CLIP1: variants seen among roughly 807,000 people sequenced by gnomAD.
The protein encoded by CLIP1 is CAP-Gly domain containing linker protein 1.
In CLIP1, 66 loss-of-function variants were observed where a neutral mutation model predicts 161.6. The observed-to-expected ratio is 0.41, with a 90% CI of 0.33 to 0.50. The LOEUF is 0.50. CLIP1 is among the 20% of genes least tolerant of loss of function. The pLI, the probability that CLIP1 is intolerant of heterozygous loss-of-function variation, is 0.27. For missense variants in CLIP1, 1,376 were observed against 1,702.0 expected (o/e 0.81, Z 3.37); for synonymous variants, 598 against 626.2 (o/e 0.96, Z 0.67).
chr12:122,356,596 GTCCCTCTCCCTCTC>G lies in CLIP1; in HGVS notation c.1006-1298_1006-1285del, dbSNP rs571554222. Among the ~76,000 whole-genome samples, 651 of 151,956 alleles carry G rather than the reference GTCCCTCTCCCTCTC, an allele frequency of 4.3e-3. 3 individuals carry two copies. The highest frequency in any genetic ancestry group is 0.012 in the South Asian group (56 of 4,812). On this transcript the variant is annotated intron_variant, in intron 5 of 25. Coordinates refer to ENST00000620786, the MANE Select transcript of CLIP1 (RefSeq NM_001247997.2). ...TTCTGGTTATTAAAGAATGAATTGGGTCCCTCTCCCTCTCTCCCTCTCCCTCTCTCCCTCTCCCT... is the reference window on the plus strand; with the variant it reads ...TTCTGGTTATTAAAGAATGAATTGGGTCCCTCTCCCTCTCTCCCTCTCCCT...
At chr12:122,297,130 T>A (rs1376543996) in intron 20 of CLIP1, among the ~76,000 whole-genome samples, 1 of 152,126 alleles carries the variant, frequency 6.6e-6, no homozygotes, top group Non-Finnish European at 1.5e-5. Context: ...GCACAAATAA[T>A]CATAGTTCGG....
intron 7 of CLIP1, among the ~76,000 whole-genome samples, chr12:122,353,553 G>A (rs1953157002): frequency 6.6e-6 from 1 of 152,148 alleles, no homozygotes; most frequent in African/African-American, 2.4e-5. Context: ...TGTCACAGCT[G>A]CAGTGAGCCA....
At chr12:122,401,383 A>G (rs1220454434) in intron 1 of CLIP1, among the ~76,000 whole-genome samples, 2 of 152,194 alleles carry the variant, frequency 1.3e-5, no homozygotes, top group Non-Finnish European at 2.9e-5. Flanking sequence ...AAATTAATAA[A>G]AAGTAGGTCA....
At position 122,377,748 on chromosome 12, in the gene CLIP1, C is replaced by T. The variant is rs1440316579; in HGVS notation, c.298G>A (p.Asp100Asn). The T allele has an allele frequency of 5.0e-6, 8 of 1,613,814 alleles. No homozygotes were observed. In the East Asian group the frequency reaches 1.3e-4, roughly 27 times the overall value. ...TACCGAACTCCTGCCACCGAACCAT[C>T]GTTCTTGCCTATGGGTTCATCTAAA... ...IVLDEPIGKN[D>N]GSVAGVRYFQ... The change falls in exon 3 of 26, where the codon GAT becomes AAT. Residue 100 changes from aspartate (D) to asparagine (N), a missense_variant. This residue lies in a region of CLIP1 where 27 missense variants were observed against 64.1 expected (regional missense o/e 0.42). Coordinates refer to ENST00000620786, the MANE Select transcript of CLIP1 (RefSeq NM_001247997.2).
At chr12:122,293,968 C>G (rs919801992) in intron 20 of CLIP1, among the ~76,000 whole-genome samples, 2 of 151,796 alleles carry the variant, frequency 1.3e-5, no homozygotes, top group Non-Finnish European at 1.5e-5. Flanking sequence ...ACTTACCATA[C>G]TAGCAATTCC....
chr12:122,393,627 C>A (rs1241420375), intron 1 of CLIP1, among the ~76,000 whole-genome samples: 1 of 152,048 alleles, frequency 6.6e-6, no homozygotes, highest in African/African-American at 2.4e-5. Flanking sequence ...GAGTCTAGAT[C>A]TTGGCTGGGC....
intron 1 of CLIP1, among the ~76,000 whole-genome samples, chr12:122,382,063 A>G (rs1410281660): frequency 6.6e-6 from 1 of 152,150 alleles, no homozygotes; most frequent in Non-Finnish European, 1.5e-5. Flanking sequence ...CGTCTCTCCT[A>G]AAAATACAAA....
rs199599787 is a variant in CLIP1, at chr12:122,292,887, C to T, written c.3595-4346G>A. Among the ~76,000 whole-genome samples the T allele has an allele frequency of 9.3e-5, 14 of 151,010 alleles. No homozygotes were observed. The East Asian group carries it at 2.3e-3, about 25-fold the overall frequency. ...GCGCGGTGGTGGGCGCCTGTAGTCC[C>T]AGCTACTCGGGAGGCTGAGGCAGGA... On this transcript the variant is annotated intron_variant, in intron 20 of 25. Transcript: ENST00000620786.
intron 1 of CLIP1, among the ~76,000 whole-genome samples, chr12:122,420,868 G>A (rs1251801343): frequency 6.6e-6 from 1 of 151,794 alleles, no homozygotes; most frequent in African/African-American, 2.4e-5. Context: ...CTGGGAGGCC[G>A]AGATTGCAGT....
intron 17 of CLIP1, chr12:122,322,590 C>G (rs946910104): frequency 4.6e-5 from 7 of 152,688 alleles, no homozygotes; most frequent in African/African-American, 1.7e-4. Flanking sequence ...TTGCTCTTCT[C>G]TTGAAGTAGC....
At chr12:122,384,750 G>C (rs1384261362) in intron 1 of CLIP1, among the ~76,000 whole-genome samples, 4 of 148,966 alleles carry the variant, frequency 2.7e-5, no homozygotes, top group African/African-American at 9.9e-5. Context: ...GACAGAGCAA[G>C]ACTCCATCTC....
Position 122,306,663 on chromosome 12 carries a change from A to G in CLIP1, c.3594+3099T>C, listed in dbSNP as rs944899928. Reference sequence around the variant, plus strand: ...AACATGGGCCTTTAACAATGAGGACATGATCACCAAGTGAGAAAGGAGACA... The same window carrying G: ...AACATGGGCCTTTAACAATGAGGACGTGATCACCAAGTGAGAAAGGAGACA... On this transcript the variant is annotated intron_variant, in intron 20 of 25. Coordinates refer to ENST00000620786, the MANE Select transcript of CLIP1 (RefSeq NM_001247997.2). Among the ~76,000 whole-genome samples, 4 of 152,192 alleles carry G rather than the reference A, an allele frequency of 2.6e-5. No individual in the cohort carries two copies. The East Asian group carries it at 7.7e-4, about 29-fold the overall frequency.
At chr12:122,421,588 A>G (rs1306422485) in intron 1 of CLIP1, among the ~76,000 whole-genome samples, 2 of 152,132 alleles carry the variant, frequency 1.3e-5, no homozygotes, top group Admixed American at 6.6e-5. Context: ...AAAACAGTTC[A>G]CTGGCGCCCA....
intron 1 of CLIP1, chr12:122,399,222 C>T (rs928575001): frequency 1.3e-5 from 2 of 152,190 alleles, no homozygotes; most frequent in Non-Finnish European, 2.9e-5. Flanking sequence ...ACCCCTTCCC[C>T]GGCTCAGTAT....
chr12:122,283,726 G>A (rs1179134438), intron 21 of CLIP1, among the ~76,000 whole-genome samples: 2 of 152,016 alleles, frequency 1.3e-5, no homozygotes, highest in African/African-American at 4.8e-5. Context: ...GATTACAGGC[G>A]TGACCCACCG....
intron 20 of CLIP1, among the ~76,000 whole-genome samples, chr12:122,292,141 G>A (rs1016019605): frequency 6.6e-6 from 1 of 150,946 alleles, no homozygotes; most frequent in African/African-American, 2.4e-5. Context: ...ACAGGCATGT[G>A]TCACCACGCC....
At chr12:122,417,267 G>A (rs1370837151) in intron 1 of CLIP1, among the ~76,000 whole-genome samples, 1 of 152,130 alleles carries the variant, frequency 6.6e-6, no homozygotes, top group Non-Finnish European at 1.5e-5. Context: ...TTGCACTCCA[G>A]CCTGGGGGAC....
chr12:122,314,878 C>T (rs1338645178), intron 19 of CLIP1, among the ~76,000 whole-genome samples: 3 of 152,228 alleles, frequency 2.0e-5, no homozygotes, highest in Admixed American at 6.5e-5. Flanking sequence ...ATTTGTGTCA[C>T]TTGATGTTGG....
At chr12:122,294,512 C>T (rs944818677) in intron 20 of CLIP1, among the ~76,000 whole-genome samples, 2 of 152,100 alleles carry the variant, frequency 1.3e-5, no homozygotes, top group Non-Finnish European at 2.9e-5. Flanking sequence ...CCTGTAATCT[C>T]AGCACTCTGG....
Sources: gnomAD v4.1 joint callset for allele counts (sites outside exome capture counted in the v4.1 genomes callset) on GRCh38, gnomAD v4.1.1 for gene constraint, gnomAD v4.1.1 regional missense constraint, MANE v1.5 for transcripts, NCBI Gene and HGNC (gene_info 2026-07-23, HGNC 2026-07-21) for gene names.